The following MEGF11 variants were observed in gnomAD, a reference collection of about 807,000 sequenced individuals.
The protein encoded by MEGF11 is multiple EGF like domains 11.
A neutral mutation model predicts 146.6 loss-of-function variants in MEGF11; 126 were observed. The observed-to-expected ratio is 0.86, with a 90% CI of 0.74 to 1.00. MEGF11 has a LOEUF of 1.00. Ranked by LOEUF, MEGF11 falls within the 50% of genes least tolerant of loss-of-function variation. The pLI is 0.00. For synonymous variants in MEGF11, 532 were observed against 583.4 expected (o/e 0.91, Z 1.27); for missense variants, 1,509 against 1,521.2 (o/e 0.99, Z 0.13).
At chr15:66,134,460 C>G (rs978335184) in intron 1 of MEGF11, among the ~76,000 whole-genome samples, 5 of 152,194 alleles carry the variant, frequency 3.3e-5, no homozygotes, top group African/African-American at 1.2e-4. Context: ...ACCTGCCTGG[C>G]CCCTCCCCAC....
At chr15:65,988,253 C>A (rs908968537) in intron 5 of MEGF11, among the ~76,000 whole-genome samples, 1 of 152,152 alleles carries the variant, frequency 6.6e-6, no homozygotes, top group African/African-American at 2.4e-5. Flanking sequence ...ATCGATCTAC[C>A]TGCCTCGGCC....
At chr15:65,940,633 A>G (rs1169676234) in intron 10 of MEGF11, among the ~76,000 whole-genome samples, 2 of 152,268 alleles carry the variant, frequency 1.3e-5, no homozygotes, top group Non-Finnish European at 1.5e-5. Context: ...GAAAGTCTGC[A>G]TAAGGTATGA....
At chr15:66,017,016 G>C (rs1190476196) in intron 5 of MEGF11, among the ~76,000 whole-genome samples, 1 of 152,210 alleles carries the variant, frequency 6.6e-6, no homozygotes, top group Non-Finnish European at 1.5e-5. Flanking sequence ...CTAATTTCAG[G>C]GATGTTGGAC....
At chr15:65,967,236 C>T (rs1217110686) in intron 8 of MEGF11, 1 of 152,214 alleles carries the variant, frequency 6.6e-6, no homozygotes, top group Admixed American at 6.5e-5. Flanking sequence ...CACTAGTACT[C>T]ATGTTAATAT....
intron 5 of MEGF11, among the ~76,000 whole-genome samples, chr15:66,093,534 T>G (rs188072545): frequency 6.6e-6 from 1 of 152,252 alleles, no homozygotes; most frequent in Non-Finnish European, 1.5e-5. Context: ...AAAGAGACTC[T>G]ACTCCAACTC....
At chr15:66,154,298 G>GCT (rs1555477040) in intron 1 of MEGF11, among the ~76,000 whole-genome samples, 6 of 151,640 alleles carry the variant, frequency 4.0e-5, no homozygotes, top group Non-Finnish European at 5.9e-5. Flanking sequence ...CCCCAACCTC[G>GCT]CGCTCGCCCA....
At position 66,168,564 on chromosome 15, in the gene MEGF11, G is replaced by A. The variant is rs150757172; in HGVS notation, c.-8-40153C>T. Among the ~76,000 whole-genome samples, 198 of 152,344 alleles carry A rather than the reference G, an allele frequency of 1.3e-3. 1 individual carries two copies. The highest frequency in any genetic ancestry group is 1.8e-3 in the Admixed American group (28 of 15,314). On this transcript the variant is annotated intron_variant, in intron 1 of 25. Transcript: ENST00000395614. ...AGAGGGAGAATACCTGGGGAGGGAA[G>A]CCACCAGTCCAAACTGAGATGTGCT...
intron 5 of MEGF11, among the ~76,000 whole-genome samples, chr15:66,012,088 C>T (rs949624878): frequency 9.2e-5 from 14 of 151,506 alleles, no homozygotes; most frequent in South Asian, 2.1e-4. Context: ...ATTAGCCAGG[C>T]GTGGTGGCAC....
rs144026908 is a variant in MEGF11, at chr15:66,168,798, G to A, written c.-8-40387C>T. 2.9e-3 allele frequency among the ~76,000 whole-genome samples: 436 copies of A among 152,274 alleles called. 3 individuals are homozygous for A. The highest frequency in any genetic ancestry group is 0.016 in the East Asian group (83 of 5,172). The stretch of plus-strand genomic sequence containing the variant: ...AACATGGTGACCTGAGATCAGCCTG[G>A]CCTACATAGTGAAATCTCATCTCTA... On this transcript the variant is annotated intron_variant, in intron 1 of 25. Transcript: ENST00000395614.
chr15:66,209,228 C>G (rs960316625), intron 1 of MEGF11, among the ~76,000 whole-genome samples: 32 of 152,124 alleles, frequency 2.1e-4, no homozygotes, highest in African/African-American at 7.5e-4. Flanking sequence ...CGGGCGCCTG[C>G]AGTCCCAGCC....
In MEGF11 at chr15:65,912,177, C is replaced by T. The variant is rs1323091407; in HGVS notation, c.2734G>A (p.Ala912Thr). Residue 912 changes from alanine (A) to threonine (T), a missense_variant, in exon 21 of 26, where the codon GCC becomes ACC. Transcript: ENST00000395614. ...TAGCTGGAATTGGAAAAGCAGTGGG[C>T]ATGGCTGCTACTTTGAGACAAATCT... ...LSDLSQSSSHAHCFSNSSYHA... is the reference protein window; with the variant it reads ...LSDLSQSSSHTHCFSNSSYHA... 8.9e-6 allele frequency: 11 copies of T among 1,232,352 alleles called. No individual in the cohort carries two copies. Among genetic ancestry groups the T allele is most frequent in the Non-Finnish European group, 1.1e-5 (11 of 988,266 alleles). The allele number at this position is 1,232,352 out of a possible 1,614,324, so 76.3% of individuals were successfully genotyped here. A position where few individuals can be genotyped will look rare whatever the true frequency, so the allele number is the denominator to read the frequency against.
intron 13 of MEGF11, among the ~76,000 whole-genome samples, chr15:65,925,414 T>C (rs2079336845): frequency 6.6e-6 from 1 of 152,178 alleles, no homozygotes; most frequent in Admixed American, 6.5e-5. Context: ...TTTGTGGTTC[T>C]TATATGTCCC....
At chr15:66,246,405 GA>G (rs1227055343) in intron 1 of MEGF11, among the ~76,000 whole-genome samples, 1 of 152,156 alleles carries the variant, frequency 6.6e-6, no homozygotes, top group Non-Finnish European at 1.5e-5. Context: ...CAAAAGTGAA[GA>G]AACCAGAAGG....
At chr15:66,009,241 GTTTTTTTT>G (rs10540363) in intron 5 of MEGF11, among the ~76,000 whole-genome samples, 1 of 143,072 alleles carries the variant, frequency 7.0e-6, no homozygotes, top group Non-Finnish European at 1.5e-5. Context: ...GTTAACCTAA[GTTTTTTTT>G]TTTTTTTTTT....
At chr15:65,910,768 G>T (rs970596770) in intron 21 of MEGF11, among the ~76,000 whole-genome samples, 7 of 152,294 alleles carry the variant, frequency 4.6e-5, no homozygotes, top group Admixed American at 4.6e-4. Context: ...AGGGAAGAAA[G>T]GACTCCTAGA....
chr15:66,211,284 G>A (rs934537517), intron 1 of MEGF11, among the ~76,000 whole-genome samples: 5 of 152,220 alleles, frequency 3.3e-5, no homozygotes, highest in Admixed American at 6.5e-5. Context: ...AGCACTTTGG[G>A]AGGCCAAGGT....
At chr15:66,130,515 C>T (rs573844701) in intron 1 of MEGF11, among the ~76,000 whole-genome samples, 11 of 152,010 alleles carry the variant, frequency 7.2e-5, no homozygotes, top group African/African-American at 2.4e-4. Context: ...TTCCTCTGGT[C>T]CCTTTTGACC....
chr15:66,038,110 C>T (rs2083796962), intron 5 of MEGF11, among the ~76,000 whole-genome samples: 1 of 152,104 alleles, frequency 6.6e-6, no homozygotes, highest in Admixed American at 6.5e-5. Context: ...AAGCCCAGAA[C>T]CAGGGAGAGC....
intron 5 of MEGF11, among the ~76,000 whole-genome samples, chr15:66,054,018 C>T (rs1022147451): frequency 5.3e-5 from 8 of 152,098 alleles, no homozygotes; most frequent in African/African-American, 1.4e-4. Context: ...CCACCATGCC[C>T]GGCCTCCCTG....
Sources: allele counts gnomAD v4.1 joint callset (sites outside exome capture counted in the v4.1 genomes callset), GRCh38; gene constraint gnomAD v4.1.1; transcripts MANE v1.5; gene names NCBI Gene and HGNC (gene_info 2026-07-23, HGNC 2026-07-21).